The following AGBL3 variants were observed in gnomAD, a reference collection of about 807,000 sequenced individuals.
AGBL3 encodes the protein AGBL carboxypeptidase 3.
In AGBL3, 68 loss-of-function variants were observed where a neutral mutation model predicts 94.5. The observed-to-expected ratio is 0.72, with a 90% CI of 0.59 to 0.88. AGBL3 has a LOEUF of 0.88. Ranked by LOEUF, AGBL3 falls within the 40% of genes least tolerant of loss-of-function variation. The pLI is 0.00. For missense variants in AGBL3, 934 were observed against 1,103.8 expected, an observed-to-expected ratio of 0.85 and a Z score of 2.18; for synonymous variants, 354 against 370.7, an observed-to-expected ratio of 0.95 and a Z score of 0.52.
At chr7:135,132,314 C>A (rs1340925154) in intron 16 of AGBL3, among the ~76,000 whole-genome samples, 1 of 152,098 alleles carries the variant, frequency 6.6e-6, no homozygotes, top group Non-Finnish European at 1.5e-5. Context: ...GAATTATACA[C>A]CATGACCAAG....
rs1276793846 is a variant in AGBL3, at chr7:135,032,945, A to G, written c.520A>G (p.Arg174Gly). 6.4e-7 allele frequency: 1 copy of G among 1,551,452 alleles called. No homozygotes were observed. Among genetic ancestry groups the G allele is most frequent in the Admixed American group, 2.0e-5 (1 of 50,938 alleles). ...TGACAATACTTTGATGTTTGAAGCA[A>G]GGTTTGAGAGTGGTAATCTACAGAA... ...YRDNTLMFEARFESGNLQKVV... is the reference protein window; with the variant it reads ...YRDNTLMFEAGFESGNLQKVV... Residue 174 changes from arginine to glycine, a missense_variant, in exon 6 of 17, where the codon AGG becomes GGG. Coordinates refer to ENST00000436302, the MANE Select transcript of AGBL3 (RefSeq NM_178563.4).
chr7:135,008,185 A>G (rs1455657659), intron 4 of AGBL3, among the ~76,000 whole-genome samples: 1 of 151,448 alleles, frequency 6.6e-6, no homozygotes, highest in South Asian at 2.1e-4. Context: ...CAAAAAAAAG[A>G]AAAAAAAACT....
At chr7:135,015,846 C>T (rs994922574) in intron 4 of AGBL3, among the ~76,000 whole-genome samples, 9 of 101,830 alleles carry the variant, frequency 8.8e-5, no homozygotes, top group African/African-American at 3.1e-4. Context: ...AACCCCGTCT[C>T]TACTAAAAAT....
intron 16 of AGBL3, chr7:135,128,665 C>A: frequency 9.2e-7 from 1 of 1,088,286 alleles, no homozygotes; most frequent in Non-Finnish European, 1.4e-6. Flanking sequence ...AAGGAAGAGA[C>A]CCTAGTATAC....
chr7:135,029,601 T>A (rs1288864236), intron 5 of AGBL3, among the ~76,000 whole-genome samples: 1 of 152,190 alleles, frequency 6.6e-6, no homozygotes, highest in African/African-American at 2.4e-5. Flanking sequence ...ACTTTTTCCA[T>A]GTCAGCAATA....
At chr7:135,097,078 A>G (rs11761348) in intron 15 of AGBL3, among the ~76,000 whole-genome samples, 8,259 of 152,286 alleles carry the variant, frequency 0.054, 297 homozygotes, top group Middle Eastern at 0.18. Context: ...GCTTGGGCAT[A>G]CCACCCAAAT....
Position 134,989,274 on chromosome 7 carries a change from G to A in AGBL3, c.88G>A (p.Val30Ile), listed in dbSNP as rs757064027. 27 of 1,547,700 alleles carry A rather than the reference G, an allele frequency of 1.7e-5. No individual in the cohort carries two copies. In the South Asian group the frequency reaches 2.8e-4, roughly 16 times the overall value. Residue 30 changes from valine to isoleucine, a missense_variant, in exon 3 of 17, where the codon GTA (valine) becomes ATA (isoleucine). Physicochemically the swap from Val to Ile is conservative, Grantham distance 29. Coordinates refer to ENST00000436302, the MANE Select transcript of AGBL3 (RefSeq NM_178563.4). ...GGATGAGGATATGTTCATGAAATTTGTAAGTGAAGATCTTCATCGGTGTGC... is the reference window on the plus strand; with the variant it reads ...GGATGAGGATATGTTCATGAAATTTATAAGTGAAGATCTTCATCGGTGTGC... ...ESDEDMFMKF[V>I]SEDLHRCALL...
intron 15 of AGBL3, among the ~76,000 whole-genome samples, chr7:135,113,243 AATAG>A (rs1321806765): frequency 5.3e-5 from 8 of 152,342 alleles, no homozygotes; most frequent in African/African-American, 4.8e-5. Context: ...TCCTTTTAAG[AATAG>A]ATAATTTCTT....
chr7:135,132,638 G>A (rs1021551551), intron 16 of AGBL3, among the ~76,000 whole-genome samples: 5 of 152,244 alleles, frequency 3.3e-5, no homozygotes, highest in African/African-American at 1.2e-4. Context: ...TGAATCACGG[G>A]AACAGTTTCC....
chr7:135,122,793 T>C (rs1169273174), intron 16 of AGBL3, among the ~76,000 whole-genome samples: 1 of 151,902 alleles, frequency 6.6e-6, no homozygotes, highest in Non-Finnish European at 1.5e-5. Flanking sequence ...AGCAGCCCTA[T>C]AGAAAAGGGA....
chr7:135,135,408 C>G lies in AGBL3; in HGVS notation c.*147C>G. The stretch of plus-strand genomic sequence containing the variant: ...GCATAAACTAAAAATTTTAGATATC[C>G]CATCTTCTGTAGTGGGAACATCTTT... On this transcript the variant is annotated 3_prime_UTR_variant, in exon 17 of 17. Transcript: ENST00000436302. 1.9e-6 allele frequency: 1 copy of G among 531,720 alleles called. No homozygotes were observed. Among genetic ancestry groups the G allele is most frequent in the Non-Finnish European group, 3.0e-6 (1 of 336,798 alleles). 32.9% of individuals were successfully genotyped at this position (531,720 alleles called of 1,614,324 possible). A position where few individuals can be genotyped will look rare whatever the true frequency, so the allele number is the denominator to read the frequency against.
At position 135,044,120 on chromosome 7, in the gene AGBL3, C is replaced by T; in HGVS notation, c.1596C>T (p.Thr532=). The T allele has an allele frequency of 1.3e-6, 2 of 1,550,540 alleles. No individual in the cohort carries two copies. Among genetic ancestry groups the T allele is most frequent in the South Asian group, 1.2e-5 (1 of 83,988 alleles). ...MWKMGIRNSF[T]MEATFCGSTL... is the part of the protein sequence containing the mutation. Reference sequence around the variant, plus strand: ...AAATGGGAATCAGGAACAGCTTTACCATGGAGGCCACCTTCTGTGGATCTA... The same window carrying T: ...AAATGGGAATCAGGAACAGCTTTACTATGGAGGCCACCTTCTGTGGATCTA... The change falls in exon 9 of 17, where the codon ACC becomes ACT. Residue 532 remains threonine (T), a synonymous_variant. Transcript: ENST00000436302.
intron 16 of AGBL3, among the ~76,000 whole-genome samples, chr7:135,119,883 T>TA (rs1826901196): frequency 6.7e-6 from 1 of 150,032 alleles, no homozygotes; most frequent in South Asian, 2.1e-4. Flanking sequence ...TCTCAAAAAA[T>TA]AAAAAAAGAA....
At chr7:135,042,694 G>A (rs1341479156) in intron 8 of AGBL3, among the ~76,000 whole-genome samples, 2 of 152,160 alleles carry the variant, frequency 1.3e-5, no homozygotes, top group Admixed American at 6.6e-5. Flanking sequence ...AGGATGGCAT[G>A]AGGCCAGGAA....
At chr7:135,091,745 C>G (rs1406328631) in intron 15 of AGBL3, among the ~76,000 whole-genome samples, 1 of 152,198 alleles carries the variant, frequency 6.6e-6, no homozygotes, top group Admixed American at 6.5e-5. Flanking sequence ...GTCTTCTCAC[C>G]TCCTTGCTTC....
At chr7:135,024,001 T>G (rs992171954) in intron 5 of AGBL3, among the ~76,000 whole-genome samples, 46 of 152,254 alleles carry the variant, frequency 3.0e-4, no homozygotes, top group African/African-American at 9.6e-4. Flanking sequence ...TGAGTGTAGA[T>G]CTGTGACCAG....
intron 4 of AGBL3, among the ~76,000 whole-genome samples, chr7:134,993,947 T>C (rs748506722): frequency 1.3e-4 from 20 of 152,244 alleles, no homozygotes; most frequent in Non-Finnish European, 2.1e-4. Flanking sequence ...CAGAATCTGG[T>C]GTGCATTTAT....
At chr7:135,065,237 A>G (rs953081646) in intron 12 of AGBL3, among the ~76,000 whole-genome samples, 1 of 152,236 alleles carries the variant, frequency 6.6e-6, no homozygotes, top group African/African-American at 2.4e-5. Context: ...AAGAATTAAT[A>G]TTGTCAAAAT....
intron 5 of AGBL3, among the ~76,000 whole-genome samples, chr7:135,024,401 C>A (rs557690861): frequency 5.3e-5 from 8 of 152,232 alleles, no homozygotes; most frequent in Non-Finnish European, 8.8e-5. Context: ...AATATACATT[C>A]ATTGCCTGTA....
Sources: allele counts gnomAD v4.1 joint callset (sites outside exome capture counted in the v4.1 genomes callset), GRCh38; gene constraint gnomAD v4.1.1; transcripts MANE v1.5; gene names NCBI Gene and HGNC (gene_info 2026-07-23, HGNC 2026-07-21).